The following FGR variants were observed in gnomAD, a reference collection of about 807,000 sequenced individuals.
FGR encodes the protein FGR proto-oncogene, Src family tyrosine kinase.
FGR carries 26 observed loss-of-function variants against 63.2 expected under a neutral mutation model. The observed-to-expected ratio is 0.41, with a 90% CI of 0.30 to 0.57. FGR has a LOEUF of 0.57. Among genes scored for constraint, FGR ranks in the 20% least tolerant of loss-of-function variants. The pLI is 0.27. For synonymous variants in FGR, 286 were observed against 277.7 expected (o/e 1.03, Z -0.30); for missense variants, 511 against 690.8 (o/e 0.74, Z 2.92).
In FGR at chr1:27,616,743, G is replaced by T; in HGVS notation, c.682+114C>A. The T allele has an allele frequency of 8.3e-7, 1 of 1,201,798 alleles. No homozygotes were observed. The highest frequency in any genetic ancestry group is 1.2e-6 in the Non-Finnish European group (1 of 834,752). 74.4% of individuals were successfully genotyped at this position (1,201,798 alleles called of 1,614,324 possible). A position where few individuals can be genotyped will look rare whatever the true frequency, so the allele number is the denominator to read the frequency against. On this transcript the variant is annotated intron_variant, in intron 7 of 12. Transcript: ENST00000374005. This position sits in a 1 kb window ranked among gnomAD's most constrained non-coding sequence, Gnocchi z 4.3. Reference sequence around the variant, plus strand: ...TGGCAGACCCCATCCTTGGGTTCTGGTTTCCGTCTGGCCAATACTGCTTGG... The same window carrying T: ...TGGCAGACCCCATCCTTGGGTTCTGTTTTCCGTCTGGCCAATACTGCTTGG...
At chr1:27,631,600 C>T (rs2090105477) in intron 1 of FGR, among the ~76,000 whole-genome samples, 1 of 152,220 alleles carries the variant, frequency 6.6e-6, no homozygotes, top group African/African-American at 2.4e-5. Flanking sequence ...CCTGGGGTTG[C>T]TTCTCAGCAT....
rs761069 is a variant in FGR, at chr1:27,616,797, T to A, written c.682+60A>T. On this transcript the variant is annotated intron_variant, in intron 7 of 12. Transcript: ENST00000374005. This position sits in a 1 kb window ranked among gnomAD's most constrained non-coding sequence, Gnocchi z 4.3. ...TCCCTTCCCTTCTCTGGGCCTCAGT[T>A]CCCCCATCTGGACAATGCTTCAGTT... is the stretch of plus-strand genomic sequence containing the variant. 1.3e-6 allele frequency: 2 copies of A among 1,575,436 alleles called. No individual in the cohort carries two copies. Among genetic ancestry groups the A allele is most frequent in the African/African-American group, 2.7e-5 (2 of 73,954 alleles).
chr1:27,632,137 C>CTT (rs1250174088), intron 1 of FGR, among the ~76,000 whole-genome samples: 10 of 148,406 alleles, frequency 6.7e-5, no homozygotes, highest in African/African-American at 2.0e-4. Context: ...TCTTCTTCTT[C>CTT]TTCTTTTTTT....
rs755631740 is a variant in FGR at position 27,625,084 on chromosome 1, C to T, written c.-14+5G>A. On this transcript the variant is annotated splice_donor_5th_base_variant and intron_variant, in intron 2 of 12. Coordinates refer to ENST00000374005, the MANE Select transcript of FGR (RefSeq NM_005248.3). The stretch of plus-strand genomic sequence containing the variant: ...CCCTGAAAGCCCTCAGTCTACCCCA[C>T]TCACCCCTTAGGCCCCTACTCCTGG... The T allele has an allele frequency of 2.6e-5, 4 of 152,668 alleles. No individual in the cohort carries two copies. Among genetic ancestry groups the T allele is most frequent in the South Asian group, 2.1e-4 (1 of 4,836 alleles). The allele number at this position is 152,668 out of a possible 1,614,324, so 9.5% of individuals were successfully genotyped here.
intron 5 of FGR, among the ~76,000 whole-genome samples, chr1:27,620,991 CAAAAAAAAAA>C (rs59265327): frequency 1.4e-4 from 3 of 22,020 alleles, no homozygotes; most frequent in African/African-American, 3.2e-4. Flanking sequence ...GACCCTGTCT[CAAAAAAAAAA>C]AAAAAAAAAA....
chr1:27,624,288 T>G (rs1030418677), intron 2 of FGR, among the ~76,000 whole-genome samples: 10 of 152,352 alleles, frequency 6.6e-5, no homozygotes, highest in Non-Finnish European at 1.3e-4. Flanking sequence ...CAGGCTGGAG[T>G]GCAGTGGCAC....
chr1:27,626,299 TG>T (rs2090020851), intron 1 of FGR: 1 of 398,122 alleles, frequency 2.5e-6, no homozygotes, highest in Non-Finnish European at 4.4e-6. Flanking sequence ...GAGTTTAGGG[TG>T]GGGCCAACCT....
rs2089716170 is a variant in FGR, at chr1:27,612,627, C to T, written c.*287G>A. The T allele has an allele frequency of 2.5e-6, 1 of 405,616 alleles. No individual in the cohort carries two copies. The highest frequency in any genetic ancestry group is 4.0e-5 in the Admixed American group (1 of 25,256). 25.1% of individuals were successfully genotyped at this position (405,616 alleles called of 1,614,324 possible). On this transcript the variant is annotated 3_prime_UTR_variant, in exon 13 of 13. Coordinates refer to ENST00000374005, the MANE Select transcript of FGR (RefSeq NM_005248.3). ...TATAAATAACTAGACAAGGTCTGAG[C>T]ACTTTGGGTGGGGATGGAGTGAGAA... is the stretch of plus-strand genomic sequence containing the variant.
In FGR at chr1:27,635,146, G is replaced by C. The variant is rs1260644288; in HGVS notation, c.-158C>G. 6.6e-6 allele frequency: 1 copy of C among 152,336 alleles called. No homozygotes were observed. The highest frequency in any genetic ancestry group is 6.5e-5 in the Admixed American group (1 of 15,292). The allele number at this position is 152,336 out of a possible 1,614,324, so 9.4% of individuals were successfully genotyped here. On this transcript the variant is annotated 5_prime_UTR_variant, in exon 1 of 13. Coordinates refer to ENST00000374005, the MANE Select transcript of FGR (RefSeq NM_005248.3). ...GAGTGCCGGCGTGCGGGGAGAACTGGGGTGCTGCCCGCCTCTGACCGCCGC... is the reference window on the plus strand; with the variant it reads ...GAGTGCCGGCGTGCGGGGAGAACTGCGGTGCTGCCCGCCTCTGACCGCCGC...
chr1:27,612,769 C>T lies in FGR; in HGVS notation c.*145G>A, dbSNP rs546872242. 4.1e-4 allele frequency: 288 copies of T among 701,182 alleles called. 2 individuals are homozygous for T. The highest frequency in any genetic ancestry group is 3.3e-3 in the South Asian group (180 of 53,770). 43.4% of individuals were successfully genotyped at this position (701,182 alleles called of 1,614,324 possible). On this transcript the variant is annotated 3_prime_UTR_variant, in exon 13 of 13. Coordinates refer to ENST00000374005, the MANE Select transcript of FGR (RefSeq NM_005248.3). ...CCCCATCTGTAAAACAAGTAGGTTG[C>T]CCTAGGTGGTGTCAGAGCAGCCACG...
At chr1:27,613,429 G>A (rs1242579592) in intron 11 of FGR, 79 bp from the exon 12 acceptor site, 43 of 1,514,326 alleles carry the variant, frequency 2.8e-5, no homozygotes, top group South Asian at 1.9e-4. Flanking sequence ...GGGTCTGGGC[G>A]CAGTGGCTCA....
chr1:27,630,032 T>G (rs909949762), intron 1 of FGR, among the ~76,000 whole-genome samples: 1 of 151,980 alleles, frequency 6.6e-6, no homozygotes, highest in Non-Finnish European at 1.5e-5. Context: ...TTAGTAAACT[T>G]TCTGAAAACA....
intron 1 of FGR, among the ~76,000 whole-genome samples, chr1:27,633,632 T>C (rs777294447): frequency 6.6e-6 from 1 of 152,232 alleles, no homozygotes; most frequent in African/African-American, 2.4e-5. Flanking sequence ...CACTGCAGCC[T>C]TGAACTCGTG....
intron 1 of FGR, chr1:27,626,579 G>A (rs573355189): frequency 1.7e-5 from 3 of 173,742 alleles, no homozygotes; most frequent in African/African-American, 7.1e-5. Flanking sequence ...TGCTCTAAGT[G>A]ATCTCTCATG....
chr1:27,634,314 G>T (rs892351544), intron 1 of FGR, among the ~76,000 whole-genome samples: 1 of 152,132 alleles, frequency 6.6e-6, no homozygotes, highest in East Asian at 1.9e-4. Flanking sequence ...GGCGCGGAGG[G>T]GGCGCCCGGA....
chr1:27,633,949 G>GAAGCCCTGTAACTTGCCCACAGTCACAC, intron 1 of FGR, among the ~76,000 whole-genome samples: 1 of 152,180 alleles, frequency 6.6e-6, no homozygotes, highest in Non-Finnish European at 1.5e-5. Context: ...GAGGCCCAGA[G>GAAGCCCTGTAACTTGCCCACAGTCACAC]AAGCCCTGTA....
chr1:27,615,319 TG>T lies in FGR; in HGVS notation c.1018+114del. 8.2e-7 allele frequency: 1 copy of T among 1,224,576 alleles called. No individual in the cohort carries two copies. Among genetic ancestry groups the T allele is most frequent in the Non-Finnish European group, 1.2e-6 (1 of 866,260 alleles). The allele number at this position is 1,224,576 out of a possible 1,614,324, so 75.9% of individuals were successfully genotyped here. A position where few individuals can be genotyped will look rare whatever the true frequency, so the allele number is the denominator to read the frequency against. ...TCGTTTTACACACCTGGTCCCTTAG[TG>T]GGACTCTGCCCATTGTCCCTTGTCC... is the stretch of plus-strand genomic sequence containing the variant. On this transcript the variant is annotated intron_variant, in intron 9 of 12. Transcript: ENST00000374005. This position sits in a 1 kb window ranked among gnomAD's most constrained non-coding sequence, Gnocchi z 7.6.
intron 4 of FGR, 98 bp from the exon 5 acceptor site, chr1:27,621,755 C>T: frequency 2.4e-6 from 2 of 850,902 alleles, no homozygotes; most frequent in Non-Finnish European, 4.0e-6. Flanking sequence ...ATGAATCCTG[C>T]CAAACCCTCA....
chr1:27,623,205 A>C (rs2089962062), intron 3 of FGR, 61 bp from the exon 4 acceptor site: 1 of 1,279,308 alleles, frequency 7.8e-7, no homozygotes, highest in African/African-American at 1.5e-5. Context: ...AGGGGGCTGC[A>C]CCCCAAATTC....
Sources: allele counts gnomAD v4.1 joint callset (sites outside exome capture counted in the v4.1 genomes callset), GRCh38; gene constraint gnomAD v4.1.1; non-coding constraint Gnocchi (gnomAD v3.1); transcripts MANE v1.5; gene names NCBI Gene and HGNC (gene_info 2026-07-23, HGNC 2026-07-21).